SLCO3A1: variants seen among roughly 807,000 people sequenced by gnomAD.
SLCO3A1 encodes the protein PGE1 transporter.
Under a neutral mutation model 63.1 loss-of-function variants are expected in SLCO3A1, and 27 were observed. That is an observed-to-expected ratio of 0.43 (90% CI 0.32 to 0.59). The LOEUF (loss-of-function observed/expected upper bound fraction) is 0.59. Among genes scored for constraint, SLCO3A1 ranks in the 20% least tolerant of loss-of-function variants. SLCO3A1 has a pLI of 0.09. For missense variants in SLCO3A1, 773 were observed against 945.8 expected (o/e 0.82, Z 2.40); for synonymous variants, 473 against 409.9 (o/e 1.15, Z -1.86).
At chr15:91,877,791 T>C (rs1214402832) in intron 1 of SLCO3A1, among the ~76,000 whole-genome samples, 1 of 152,164 alleles carries the variant, frequency 6.6e-6, no homozygotes, top group Non-Finnish European at 1.5e-5. Context: ...GGAGGCGTTT[T>C]AGGAAGCTAG....
At chr15:92,171,607 G>C (rs1417085346) in intron 10 of SLCO3A1, 2 of 575,964 alleles carry the variant, frequency 3.5e-6, no homozygotes, top group Non-Finnish European at 6.2e-6. Flanking sequence ...CTCAGAGTCT[G>C]GTCCCTTGGG....
intron 2 of SLCO3A1, among the ~76,000 whole-genome samples, chr15:92,053,933 C>A (rs1317742787): frequency 1.3e-5 from 2 of 152,088 alleles, no homozygotes; most frequent in Non-Finnish European, 2.9e-5. Flanking sequence ...CCCACACTTA[C>A]AGAGTAGGAG....
At chr15:91,947,505 G>T (rs1899850139) in intron 2 of SLCO3A1, among the ~76,000 whole-genome samples, 1 of 152,190 alleles carries the variant, frequency 6.6e-6, no homozygotes, top group South Asian at 2.1e-4. Flanking sequence ...TTTTTGTGGG[G>T]TGAGGAGAGC....
chr15:92,020,266 C>T (rs950353095), intron 2 of SLCO3A1, among the ~76,000 whole-genome samples: 1 of 152,118 alleles, frequency 6.6e-6, no homozygotes, highest in Non-Finnish European at 1.5e-5. Flanking sequence ...TATATCTGTA[C>T]TCTATCCATC....
chr15:92,025,202 T>G (rs1294295475), intron 2 of SLCO3A1, among the ~76,000 whole-genome samples: 1 of 151,736 alleles, frequency 6.6e-6, no homozygotes, highest in Non-Finnish European at 1.5e-5. Context: ...AATTTTTTTC[T>G]TGGGTTTTTT....
chr15:91,917,610 G>T (rs912169742), intron 2 of SLCO3A1, among the ~76,000 whole-genome samples: 1 of 152,186 alleles, frequency 6.6e-6, no homozygotes, highest in Non-Finnish European at 1.5e-5. Flanking sequence ...CCATTCAGAG[G>T]ATGGAGCACC....
chr15:92,003,765 A>G (rs58711377), intron 2 of SLCO3A1, among the ~76,000 whole-genome samples: 33,958 of 152,168 alleles, frequency 0.22, 4,241 homozygotes, highest in East Asian at 0.38. Flanking sequence ...GGCCAGGATT[A>G]CATGCACCAC....
At chr15:92,167,202 C>G (rs1455814632), downstream of SLCO3A1, among the ~76,000 whole-genome samples, 1 of 152,196 alleles carries the variant, frequency 6.6e-6, no homozygotes, top group Non-Finnish European at 1.5e-5. Context: ...ATCTTGATGG[C>G]TTGGGAGAAC....
chr15:91,924,856 C>T (rs766225029), intron 2 of SLCO3A1, among the ~76,000 whole-genome samples: 7 of 152,216 alleles, frequency 4.6e-5, no homozygotes, highest in Non-Finnish European at 5.9e-5. Context: ...GAAACCAAAA[C>T]CATTTGTGGC....
chr15:91,957,152 T>TAGTATTA, intron 2 of SLCO3A1, among the ~76,000 whole-genome samples: 1 of 41,378 alleles, frequency 2.4e-5, no homozygotes, highest in Non-Finnish European at 3.6e-5. Context: ...TTATAATATA[T>TAGTATTA]ATATATATTT....
intron 2 of SLCO3A1, among the ~76,000 whole-genome samples, chr15:91,959,406 G>C (rs56057819): frequency 0.06 from 9,076 of 151,914 alleles, 399 homozygotes; most frequent in Non-Finnish European, 0.091. Context: ...AAAAACCACT[G>C]GTACTCCAAA....
At chr15:92,095,473 TGTG>T (rs1183757647) in intron 3 of SLCO3A1, among the ~76,000 whole-genome samples, 1 of 152,202 alleles carries the variant, frequency 6.6e-6, no homozygotes, top group East Asian at 1.9e-4. Flanking sequence ...AAGACACTGT[TGTG>T]GTGGCCTTTG....
At chr15:91,902,144 T>A (rs1898174301) in intron 1 of SLCO3A1, among the ~76,000 whole-genome samples, 1 of 152,222 alleles carries the variant, frequency 6.6e-6, no homozygotes. Context: ...ATTATACTTT[T>A]CAACTCTAGA....
chr15:92,128,308 T>C, intron 6 of SLCO3A1, 43 bp from the exon 7 acceptor site: 1 of 1,612,822 alleles, frequency 6.2e-7, no homozygotes. Flanking sequence ...TGATTCCGAA[T>C]TGACCTGTTT....
Position 91,853,983 on chromosome 15 carries a change from G to T in SLCO3A1, c.75G>T (p.Arg25Ser), listed in dbSNP as rs1373931517. 6.5e-7 allele frequency: 1 copy of T among 1,528,124 alleles called. No individual in the cohort carries two copies. Among genetic ancestry groups the T allele is most frequent in the East Asian group, 2.7e-5 (1 of 36,414 alleles). 94.7% of individuals were successfully genotyped at this position (1,528,124 alleles called of 1,614,324 possible). Residue 25 changes from arginine (R) to serine (S), a missense_variant, in exon 1 of 10, where the codon AGG becomes AGT. Arg to Ser is a moderately radical substitution (Grantham distance 110, BLOSUM62 -1). Around this residue, in one of 3 missense-constraint regions of SLCO3A1, gnomAD observed 69 missense variants for 64.6 expected, o/e 1.07. Coordinates refer to ENST00000318445, the MANE Select transcript of SLCO3A1 (RefSeq NM_013272.4). Reference protein sequence around the residue: ...SGELQGDEAQRNKKKKKKVSC... With the variant: ...SGELQGDEAQSNKKKKKKVSC... Reference sequence around the variant, plus strand: ...AGCTGCAGGGGGACGAGGCGCAGAGGAACAAGAAAAAGAAAAAGAAGGTGT... The same window carrying T: ...AGCTGCAGGGGGACGAGGCGCAGAGTAACAAGAAAAAGAAAAAGAAGGTGT...
intron 1 of SLCO3A1, among the ~76,000 whole-genome samples, chr15:91,878,007 T>A (rs973853504): frequency 3.3e-5 from 5 of 151,370 alleles, no homozygotes; most frequent in African/African-American, 9.7e-5. Context: ...GAGAGAACTG[T>A]GCTGACAACA....
rs569522643 is a variant in SLCO3A1, at chr15:91,882,340, C to T, written c.180+28252C>T. Among the ~76,000 whole-genome samples the T allele has an allele frequency of 2.0e-5, 3 of 152,302 alleles. No homozygotes were observed. The East Asian group carries it at 5.8e-4, about 29-fold the overall frequency. On this transcript the variant is annotated intron_variant, in intron 1 of 9. Coordinates refer to ENST00000318445, the MANE Select transcript of SLCO3A1 (RefSeq NM_013272.4). This position sits in a 1 kb window ranked among gnomAD's most constrained non-coding sequence, Gnocchi z 4.4. ...CACTCCTTAAATGGTATATATTGAA[C>T]CCATGCATTTGCTTCTCTTTGTGTT... is the stretch of plus-strand genomic sequence containing the variant.
Position 92,163,218 on chromosome 15 carries a change from A to C in SLCO3A1, c.*83A>C, listed in dbSNP as rs995003082. The C allele has an allele frequency of 9.7e-6, 14 of 1,449,354 alleles. 1 individual carries two copies. In the African/African-American group the frequency reaches 1.9e-4, roughly 19 times the overall value. The allele number at this position is 1,449,354 out of a possible 1,614,324, so 89.8% of individuals were successfully genotyped here. A position where few individuals can be genotyped will look rare whatever the true frequency, so the allele number is the denominator to read the frequency against. On this transcript the variant is annotated 3_prime_UTR_variant, in exon 10 of 10. Transcript: ENST00000318445. ...AAAAGAAAAAAAGGTTCCAAAAAAA[A>C]CCAAAACTCAGTACACACACACAGG...
chr15:91,935,886 C>A (rs1304255534), intron 2 of SLCO3A1, among the ~76,000 whole-genome samples: 29 of 152,074 alleles, frequency 1.9e-4, no homozygotes, highest in Admixed American at 1.8e-3. Context: ...CAAGGGACAC[C>A]ACAGTTAGCC....
Sources: gnomAD v4.1 joint callset for allele counts (sites outside exome capture counted in the v4.1 genomes callset) on GRCh38, gnomAD v4.1.1 for gene constraint, gnomAD v4.1.1 regional missense constraint, Gnocchi (gnomAD v3.1) non-coding constraint, MANE v1.5 for transcripts, NCBI Gene and HGNC (gene_info 2026-07-23, HGNC 2026-07-21) for gene names.